DEPTOR: variants seen among roughly 807,000 people sequenced by gnomAD.
The protein encoded by DEPTOR is DEP domain containing MTOR interacting protein.
Under a neutral mutation model 41.6 loss-of-function variants are expected in DEPTOR, and 41 were observed. The observed-to-expected ratio is 0.98, with a 90% CI of 0.77 to 1.28. The LOEUF is 1.28. Among genes scored for constraint, DEPTOR ranks in the 50% most tolerant of loss-of-function variants. DEPTOR has a pLI of 0.00. For missense variants in DEPTOR, 514 were observed against 527.9 expected, an observed-to-expected ratio of 0.97 and a Z score of 0.26; for synonymous variants, 195 against 192.3, an observed-to-expected ratio of 1.01 and a Z score of -0.12.
chr8:119,918,738 C>A (rs866391122), intron 1 of DEPTOR, among the ~76,000 whole-genome samples: 3 of 152,098 alleles, frequency 2.0e-5, no homozygotes, highest in Non-Finnish European at 2.9e-5. Context: ...GGATTATAGG[C>A]GTGTGCCACC....
At chr8:120,020,885 G>A (rs562205340) in intron 8 of DEPTOR, among the ~76,000 whole-genome samples, 29 of 149,566 alleles carry the variant, frequency 1.9e-4, no homozygotes, top group African/African-American at 6.6e-4. Context: ...GTGGCGAAAC[G>A]CTGTCTCTAC....
intron 8 of DEPTOR, among the ~76,000 whole-genome samples, chr8:120,043,545 G>A (rs1813111730): frequency 1.3e-5 from 2 of 152,126 alleles, no homozygotes; most frequent in Non-Finnish European, 1.5e-5. Context: ...AGAAACGTTT[G>A]TCATCCACTA....
chr8:120,001,229 C>G (rs1214829048), intron 4 of DEPTOR, among the ~76,000 whole-genome samples: 2 of 152,086 alleles, frequency 1.3e-5, no homozygotes, highest in East Asian at 3.9e-4. Flanking sequence ...GCAGTGTTAT[C>G]AGTGCTTTGG....
At chr8:119,983,573 C>T (rs201043448) in intron 4 of DEPTOR, among the ~76,000 whole-genome samples, 22 of 152,084 alleles carry the variant, frequency 1.4e-4, no homozygotes, top group African/African-American at 3.1e-4. Flanking sequence ...TTAGCAGAGA[C>T]GGGTTTCACC....
Position 119,927,195 on chromosome 8 carries a change from A to G in DEPTOR, c.123-1205A>G, listed in dbSNP as rs193258950. ...TCTGGAACCACTGGGTGCAGAGTAC[A>G]GAGCTCTGGCCGTTTACGTGGTCTC... On this transcript the variant is annotated intron_variant, in intron 1 of 8. Transcript: ENST00000286234. Among the ~76,000 whole-genome samples, 293 of 152,254 alleles carry G rather than the reference A, an allele frequency of 1.9e-3. 1 individual carries two copies. Among genetic ancestry groups the G allele is most frequent in the Non-Finnish European group, 3.2e-3 (215 of 68,010 alleles).
intron 8 of DEPTOR, among the ~76,000 whole-genome samples, chr8:120,011,585 A>G (rs1812531728): frequency 6.6e-6 from 1 of 152,196 alleles, no homozygotes; most frequent in Non-Finnish European, 1.5e-5. Flanking sequence ...ACTCACTCGC[A>G]TGATGCTTTG....
At chr8:120,013,015 A>G (rs1392369141) in intron 8 of DEPTOR, among the ~76,000 whole-genome samples, 3 of 151,906 alleles carry the variant, frequency 2.0e-5, no homozygotes, top group Non-Finnish European at 2.9e-5. Flanking sequence ...AAATTAGTCA[A>G]GCATGCTGGT....
chr8:119,907,014 C>T (rs553017574), intron 1 of DEPTOR, among the ~76,000 whole-genome samples: 1 of 152,090 alleles, frequency 6.6e-6, no homozygotes, highest in East Asian at 1.9e-4. Flanking sequence ...TATAAGCAGG[C>T]GAAGAGAATG....
At chr8:119,908,461 A>G (rs1827696096) in intron 1 of DEPTOR, among the ~76,000 whole-genome samples, 2 of 152,148 alleles carry the variant, frequency 1.3e-5, no homozygotes. Flanking sequence ...TAACCAATAA[A>G]TGTAAGTAAG....
At chr8:120,002,791 A>AT (rs1554584639) in intron 5 of DEPTOR, among the ~76,000 whole-genome samples, 186 bp from the exon 6 acceptor site, 918 of 60,650 alleles carry the variant, frequency 0.015, 26 homozygotes, top group African/African-American at 0.057. Flanking sequence ...AAAAAAAAAA[A>AT]ATATATATAT....
intron 8 of DEPTOR, among the ~76,000 whole-genome samples, chr8:120,012,965 T>A (rs570508177): frequency 1.3e-5 from 2 of 152,156 alleles, no homozygotes; most frequent in South Asian, 4.2e-4. Flanking sequence ...GAGATCTACC[T>A]GGTCAACATG....
intron 4 of DEPTOR, among the ~76,000 whole-genome samples, chr8:119,977,089 C>T (rs1828704605): frequency 6.6e-6 from 1 of 152,154 alleles, no homozygotes; most frequent in Non-Finnish European, 1.5e-5. Flanking sequence ...CAACCTCCGC[C>T]TCCCGGGTTG....
intron 1 of DEPTOR, among the ~76,000 whole-genome samples, chr8:119,877,807 G>C (rs145817871): frequency 1.5e-3 from 221 of 152,308 alleles, no homozygotes; most frequent in African/African-American, 4.5e-3. Context: ...GATCAAATAG[G>C]GTACAGCATG....
chr8:119,901,890 C>T (rs747532633), intron 1 of DEPTOR, among the ~76,000 whole-genome samples: 43 of 151,576 alleles, frequency 2.8e-4, no homozygotes, highest in Non-Finnish European at 5.6e-4. Flanking sequence ...GTTTTCCTTT[C>T]CTTATTTTAT....
chr8:119,959,968 A>G (rs370505899), intron 3 of DEPTOR, among the ~76,000 whole-genome samples: 8 of 151,836 alleles, frequency 5.3e-5, no homozygotes, highest in African/African-American at 1.9e-4. Flanking sequence ...AGTGGCTCAC[A>G]CCCGTAATCC....
intron 1 of DEPTOR, among the ~76,000 whole-genome samples, chr8:119,916,408 A>G (rs543200763): frequency 1.5e-3 from 230 of 151,554 alleles, no homozygotes; most frequent in African/African-American, 5.3e-3. Context: ...GGCACGAGCC[A>G]CGGTGCCCAG....
intron 1 of DEPTOR, among the ~76,000 whole-genome samples, chr8:119,876,887 G>T (rs1252194150): frequency 6.6e-6 from 1 of 152,150 alleles, no homozygotes; most frequent in South Asian, 2.1e-4. Flanking sequence ...TTGCCCCTGG[G>T]CTTCATGTAT....
chr8:120,014,360 T>C (rs912043032), intron 8 of DEPTOR, among the ~76,000 whole-genome samples: 6 of 152,172 alleles, frequency 3.9e-5, no homozygotes, highest in Non-Finnish European at 7.3e-5. Context: ...GTCTCTTCTA[T>C]GTACCTGACC....
In DEPTOR at chr8:119,873,954, C is replaced by T. The variant is rs1827198110; in HGVS notation, c.108C>T (p.Thr36=). 1.2e-6 allele frequency: 2 copies of T among 1,613,492 alleles called. No individual in the cohort carries two copies. Among genetic ancestry groups the T allele is most frequent in the Non-Finnish European group, 1.7e-6 (2 of 1,179,736 alleles). Residue 36 remains threonine (T), a synonymous_variant, in exon 1 of 9, where the codon ACC becomes ACT. Transcript: ENST00000286234. ...ELERMAEVLV[T]GEQLRLRLHE... Reference sequence around the variant, plus strand: ...AGCGCATGGCTGAGGTCTTGGTCACCGGGGAACAGCTACGGTAAGGCAAGA... The same window carrying T: ...AGCGCATGGCTGAGGTCTTGGTCACTGGGGAACAGCTACGGTAAGGCAAGA...
Sources: allele counts gnomAD v4.1 joint callset (sites outside exome capture counted in the v4.1 genomes callset), GRCh38; gene constraint gnomAD v4.1.1; transcripts MANE v1.5; gene names NCBI Gene and HGNC (gene_info 2026-07-23, HGNC 2026-07-21).